The following ABTB3 variants were observed in gnomAD, a reference collection of about 807,000 sequenced individuals.
ABTB3 encodes ankyrin repeat and BTB domain containing 3.
the ABTB3 span, among the ~76,000 whole-genome samples, chr12:107,448,057 A>G: frequency 2.6e-5 from 4 of 152,204 alleles, no homozygotes; most frequent in African/African-American, 4.8e-5. Context: ...TGTCAGAGCA[A>G]CCTTGTGAAA....
chr12:107,472,575 T>C, the ABTB3 span, among the ~76,000 whole-genome samples: 1 of 152,202 alleles, frequency 6.6e-6, no homozygotes, highest in Non-Finnish European at 1.5e-5. Context: ...AGAACTTCTC[T>C]CACAGGGATG....
the ABTB3 span, chr12:107,581,348 C>G: frequency 2.5e-5 from 32 of 1,285,004 alleles, no homozygotes; most frequent in African/African-American, 4.8e-4. Flanking sequence ...AGGGAGGGCT[C>G]CGGCCTCGCA....
At chr12:107,448,389 T>C in the ABTB3 span, among the ~76,000 whole-genome samples, 2 of 152,206 alleles carry the variant, frequency 1.3e-5, no homozygotes, top group African/African-American at 4.8e-5. Flanking sequence ...ACTAATTCCA[T>C]GCTCTGCCCA....
At chr12:107,454,187 C>G in the ABTB3 span, among the ~76,000 whole-genome samples, 4 of 152,238 alleles carry the variant, frequency 2.6e-5, no homozygotes, top group African/African-American at 9.6e-5. Flanking sequence ...CAGCATTAGT[C>G]CCTGCTAATG....
At chr12:107,505,280 A>C in the ABTB3 span, among the ~76,000 whole-genome samples, 1 of 152,204 alleles carries the variant, frequency 6.6e-6, no homozygotes, top group Non-Finnish European at 1.5e-5. Flanking sequence ...GCCTCGAAAT[A>C]TCTTTCAGAA....
the ABTB3 span, among the ~76,000 whole-genome samples, chr12:107,623,826 G>A: frequency 2.6e-5 from 4 of 152,182 alleles, no homozygotes; most frequent in Non-Finnish European, 5.9e-5. Flanking sequence ...AAACGAAACA[G>A]AGTCAGAGCA....
At chr12:107,336,203 C>A in the ABTB3 span, among the ~76,000 whole-genome samples, 4 of 152,264 alleles carry the variant, frequency 2.6e-5, no homozygotes, top group Admixed American at 6.5e-5. Flanking sequence ...AAACTTGGCA[C>A]ATCCACCTGA....
At chr12:107,318,935 G>A in the ABTB3 span, 1 of 1,588,270 alleles carries the variant, frequency 6.3e-7, no homozygotes, top group South Asian at 1.1e-5. Flanking sequence ...ATGAAGTGGC[G>A]CAGCGATGGC....
chr12:107,625,520 C>T, the ABTB3 span, among the ~76,000 whole-genome samples: 3 of 152,128 alleles, frequency 2.0e-5, no homozygotes, highest in Non-Finnish European at 4.4e-5. Context: ...TCCAGGTTCC[C>T]CTACTTGGCC....
At chr12:107,515,300 A>G in the ABTB3 span, among the ~76,000 whole-genome samples, 2 of 152,186 alleles carry the variant, frequency 1.3e-5, no homozygotes, top group South Asian at 4.1e-4. Context: ...ATACTAAGAA[A>G]GCAATCCCGT....
chr12:107,566,708 T>G, the ABTB3 span, among the ~76,000 whole-genome samples: 2 of 148,440 alleles, frequency 1.3e-5, no homozygotes, highest in African/African-American at 5.0e-5. Flanking sequence ...AAAACACAGT[T>G]CATGAAAGAT....
At chr12:107,363,515 G>A in the ABTB3 span, among the ~76,000 whole-genome samples, 1 of 152,180 alleles carries the variant, frequency 6.6e-6, no homozygotes, top group African/African-American at 2.4e-5. Context: ...ACTTTTAATT[G>A]TGTCTGTTGC....
chr12:107,514,375 CA>C, the ABTB3 span, among the ~76,000 whole-genome samples: 15,040 of 152,204 alleles, frequency 0.099, 816 homozygotes, highest in South Asian at 0.14. Context: ...ACAACACACT[CA>C]AAGTAACAGA....
the ABTB3 span, chr12:107,320,003 G>A: frequency 8.9e-6 from 14 of 1,579,628 alleles, no homozygotes; most frequent in African/African-American, 8.2e-5. Flanking sequence ...GGAGCACACG[G>A]TCAACAACGA....
chr12:107,567,650 G>A, the ABTB3 span, among the ~76,000 whole-genome samples: 42 of 152,228 alleles, frequency 2.8e-4, no homozygotes, highest in African/African-American at 7.7e-4. Context: ...GAACCAGGCC[G>A]CACAGCAAGA....
chr12:107,456,441 T>C, the ABTB3 span, among the ~76,000 whole-genome samples: 17 of 152,344 alleles, frequency 1.1e-4, no homozygotes, highest in Non-Finnish European at 2.1e-4. Context: ...GAACTATGCA[T>C]GTGACAGACC....
At chr12:107,504,505 T>G in the ABTB3 span, among the ~76,000 whole-genome samples, 1 of 152,240 alleles carries the variant, frequency 6.6e-6, no homozygotes, top group South Asian at 2.1e-4. Context: ...AAGTCTATAG[T>G]CACCAGGCTG....
At chr12:107,470,647 C>G in the ABTB3 span, among the ~76,000 whole-genome samples, 1 of 152,208 alleles carries the variant, frequency 6.6e-6, no homozygotes, top group African/African-American at 2.4e-5. Context: ...TGCAGGGTCA[C>G]CGCTGGGCCT....
At chr12:107,619,027 G>A in the ABTB3 span, among the ~76,000 whole-genome samples, 24 of 152,276 alleles carry the variant, frequency 1.6e-4, no homozygotes, top group African/African-American at 1.2e-4. Flanking sequence ...AGTGGCTTTC[G>A]CTCTGCCATG....
Sources: gnomAD v4.1 joint callset for allele counts (sites outside exome capture counted in the v4.1 genomes callset) on GRCh38, gnomAD v4.1.1 for gene constraint, MANE v1.5 for transcripts, NCBI Gene and HGNC (gene_info 2026-07-23, HGNC 2026-07-21) for gene names.